The following CSMD1 variants were observed in gnomAD, a reference collection of about 807,000 sequenced individuals.
CSMD1 encodes CUB and sushi domain-containing protein 1.
In CSMD1, 213 loss-of-function variants were observed where a neutral mutation model predicts 417.5. That is an observed-to-expected ratio of 0.51 (90% CI 0.46 to 0.57). The LOEUF (loss-of-function observed/expected upper bound fraction) is 0.57, where lower values mean the gene tolerates loss of function less well. Among genes scored for constraint, CSMD1 ranks in the 20% least tolerant of loss-of-function variants. The pLI is 0.00. For synonymous variants in CSMD1, 2,862 were observed against 1,736.8 expected (o/e 1.65, Z -16.11); for missense variants, 6,923 against 4,529.7 (o/e 1.53, Z -15.17).
chr8:4,419,494 C>G (rs1184804430), intron 3 of CSMD1, among the ~76,000 whole-genome samples: 1 of 152,038 alleles, frequency 6.6e-6, no homozygotes. Context: ...CATGATCAAA[C>G]AACAGTAAAA....
At chr8:4,891,327 G>C (rs954870037) in intron 1 of CSMD1, among the ~76,000 whole-genome samples, 1 of 152,232 alleles carries the variant, frequency 6.6e-6, no homozygotes, top group South Asian at 2.1e-4. Context: ...AACCTTACTT[G>C]AAAGACTGAA....
intron 3 of CSMD1, among the ~76,000 whole-genome samples, chr8:4,087,121 T>C (rs796772570): frequency 6.6e-6 from 1 of 152,292 alleles, no homozygotes; most frequent in African/African-American, 2.4e-5. Context: ...ATTCAATCTC[T>C]GGGTGATGGG....
At chr8:4,898,799 A>C (rs949739592) in intron 1 of CSMD1, among the ~76,000 whole-genome samples, 1 of 152,136 alleles carries the variant, frequency 6.6e-6, no homozygotes, top group Non-Finnish European at 1.5e-5. Flanking sequence ...CTGCATAATA[A>C]ATATTTATAT....
chr8:3,943,068 ATC>A (rs1314885501), intron 5 of CSMD1, among the ~76,000 whole-genome samples: 1 of 152,080 alleles, frequency 6.6e-6, no homozygotes, highest in East Asian at 1.9e-4. Flanking sequence ...ATGCAATAAA[ATC>A]TCTCTATTAC....
intron 23 of CSMD1, among the ~76,000 whole-genome samples, chr8:3,336,884 C>T (rs1362781754): frequency 2.0e-5 from 3 of 152,146 alleles, no homozygotes; most frequent in African/African-American, 7.2e-5. Context: ...TGGTCAGATC[C>T]TAGTCCAACA....
chr8:4,034,202 G>A (rs1034450355), intron 3 of CSMD1, among the ~76,000 whole-genome samples: 3 of 152,096 alleles, frequency 2.0e-5, no homozygotes, highest in East Asian at 3.9e-4. Context: ...ATTTCTAAAA[G>A]TATTTTTATT....
intron 5 of CSMD1, among the ~76,000 whole-genome samples, chr8:3,807,824 C>G (rs1585028828): frequency 6.6e-6 from 1 of 152,160 alleles, no homozygotes; most frequent in Admixed American, 6.5e-5. Flanking sequence ...CACTGAGATC[C>G]TAGCACATTT....
At chr8:3,599,240 A>G (rs947942081) in intron 8 of CSMD1, among the ~76,000 whole-genome samples, 1 of 151,868 alleles carries the variant, frequency 6.6e-6, no homozygotes, top group Non-Finnish European at 1.5e-5. Flanking sequence ...TGAAATGATT[A>G]CTGCAGTCAA....
intron 26 of CSMD1, among the ~76,000 whole-genome samples, chr8:3,259,585 A>T (rs1424251764): frequency 6.6e-6 from 1 of 152,220 alleles, no homozygotes; most frequent in Non-Finnish European, 1.5e-5. Flanking sequence ...TAGTTGTTAA[A>T]CATGATGTGT....
At chr8:3,957,923 T>A (rs564941653) in intron 5 of CSMD1, among the ~76,000 whole-genome samples, 6 of 152,312 alleles carry the variant, frequency 3.9e-5, no homozygotes, top group African/African-American at 1.4e-4. Context: ...GGTGATCTAC[T>A]TCTCAGGGCA....
At chr8:4,061,091 T>C (rs2130737643) in intron 3 of CSMD1, among the ~76,000 whole-genome samples, 1 of 152,294 alleles carries the variant, frequency 6.6e-6, no homozygotes, top group East Asian at 1.9e-4. Context: ...GTATTATTTT[T>C]GTTGATATCT....
At chr8:4,857,924 A>G (rs536613010) in intron 1 of CSMD1, among the ~76,000 whole-genome samples, 6 of 152,060 alleles carry the variant, frequency 3.9e-5, no homozygotes, top group East Asian at 1.9e-4. Context: ...TGAGGCCAGC[A>G]TCATTCTGAT....
intron 5 of CSMD1, among the ~76,000 whole-genome samples, chr8:3,944,684 C>A (rs990149709): frequency 6.6e-6 from 1 of 152,096 alleles, no homozygotes; most frequent in Non-Finnish European, 1.5e-5. Flanking sequence ...ATAAAAAGAT[C>A]TATGTTGAAA....
At chr8:3,930,888 T>A (rs1364622120) in intron 5 of CSMD1, among the ~76,000 whole-genome samples, 1 of 150,664 alleles carries the variant, frequency 6.6e-6, no homozygotes, top group East Asian at 1.9e-4. Flanking sequence ...TTTTAAAACC[T>A]AACAAATGTC....
chr8:4,131,786 G>C (rs2680622), intron 3 of CSMD1, among the ~76,000 whole-genome samples: 1 of 105,282 alleles, frequency 9.5e-6, no homozygotes, highest in Admixed American at 1.4e-4. Context: ...TTTTTGAGAC[G>C]GAGTCTCGCT....
intron 2 of CSMD1, among the ~76,000 whole-genome samples, chr8:4,571,961 T>C (rs1464041006): frequency 1.3e-5 from 2 of 152,238 alleles, no homozygotes; most frequent in East Asian, 3.8e-4. Flanking sequence ...ATTTTTTGCT[T>C]TCCATTTACT....
At chr8:3,306,423 C>A (rs1279537069) in intron 25 of CSMD1, among the ~76,000 whole-genome samples, 4 of 152,200 alleles carry the variant, frequency 2.6e-5, no homozygotes, top group Admixed American at 2.6e-4. Context: ...ATCCACCCAC[C>A]TCGGCCTCCC....
intron 1 of CSMD1, among the ~76,000 whole-genome samples, chr8:4,686,524 G>A (rs1028229763): frequency 4.9e-4 from 74 of 152,326 alleles, no homozygotes; most frequent in African/African-American, 1.7e-3. Context: ...GCACAGCGAA[G>A]AACCTGAGCA....
chr8:4,735,605 A>G (rs576795165), intron 1 of CSMD1, among the ~76,000 whole-genome samples: 3 of 152,324 alleles, frequency 2.0e-5, no homozygotes, highest in East Asian at 3.9e-4. Flanking sequence ...ATTACTAAAT[A>G]TAATACTACT....
Sources: gnomAD v4.1 joint callset for allele counts (sites outside exome capture counted in the v4.1 genomes callset) on GRCh38, gnomAD v4.1.1 for gene constraint, MANE v1.5 for transcripts, NCBI Gene and HGNC (gene_info 2026-07-23, HGNC 2026-07-21) for gene names.